The following SENP6 variants were observed in gnomAD, a reference collection of about 807,000 sequenced individuals.
The protein encoded by SENP6 is SUMO specific peptidase 6.
Under a neutral mutation model 134.5 loss-of-function variants are expected in SENP6, and 41 were observed. That is an observed-to-expected ratio of 0.30 (90% confidence interval 0.24 to 0.40). The LOEUF (loss-of-function observed/expected upper bound fraction) is 0.40, where lower values mean the gene tolerates loss of function less well. SENP6 is among the 10% of genes least tolerant of loss of function. The pLI, the probability that SENP6 is intolerant of heterozygous loss-of-function variation, is 1.00. For missense variants in SENP6, 1,248 were observed against 1,312.5 expected (o/e 0.95, Z 0.76); for synonymous variants, 395 against 429.8 (o/e 0.92, Z 1.00).
chr6:75,653,273 C>T (rs1165115282), intron 7 of SENP6, among the ~76,000 whole-genome samples: 1 of 152,130 alleles, frequency 6.6e-6, no homozygotes, highest in Non-Finnish European at 1.5e-5. Context: ...TGAGGTGATC[C>T]CCCCGCCTCG....
At chr6:75,637,932 C>T (rs2149840461) in intron 5 of SENP6, among the ~76,000 whole-genome samples, 1 of 152,306 alleles carries the variant, frequency 6.6e-6, no homozygotes, top group East Asian at 1.9e-4. Flanking sequence ...GTGATCTCCA[C>T]TCACTGCAGC....
chr6:75,604,408 G>A (rs988068882), intron 1 of SENP6, among the ~76,000 whole-genome samples: 1 of 152,154 alleles, frequency 6.6e-6, no homozygotes, highest in Non-Finnish European at 1.5e-5. Context: ...GAGGCAGGCG[G>A]ATCACTTGAG....
At chr6:75,628,907 T>G (rs1040992684) in intron 3 of SENP6, among the ~76,000 whole-genome samples, 2 of 151,988 alleles carry the variant, frequency 1.3e-5, no homozygotes, top group Non-Finnish European at 2.9e-5. Flanking sequence ...TTTAGTAGTT[T>G]TAGTGGTTTT....
Position 75,675,485 on chromosome 6 carries a change from CT to C in SENP6, c.1426+22del. On this transcript the variant is annotated intron_variant, in intron 12 of 23. Transcript: ENST00000447266. ...AGCTAGACGGTAAGCTATTTTATGTCTTTTTACTTACCAAAGCTTTCTTTAC... is the reference window on the plus strand; with the variant it reads ...AGCTAGACGGTAAGCTATTTTATGTCTTTTACTTACCAAAGCTTTCTTTAC... 7.1e-7 allele frequency: 1 copy of C among 1,406,598 alleles called. No individual in the cohort carries two copies. Among genetic ancestry groups the C allele is most frequent in the Non-Finnish European group, 9.8e-7 (1 of 1,023,522 alleles). The allele number at this position is 1,406,598 out of a possible 1,614,324, so 87.1% of individuals were successfully genotyped here.
chr6:75,650,508 A>G (rs1394779063), intron 7 of SENP6, among the ~76,000 whole-genome samples: 4 of 152,052 alleles, frequency 2.6e-5, no homozygotes, highest in African/African-American at 9.7e-5. Flanking sequence ...TTTCTTTTAC[A>G]TTTATTGATT....
chr6:75,624,141 G>T (rs1356166247), intron 3 of SENP6, among the ~76,000 whole-genome samples, 181 bp downstream of exon 3: 2 of 152,076 alleles, frequency 1.3e-5, no homozygotes, highest in Non-Finnish European at 1.5e-5. Flanking sequence ...ATAAAGAAGA[G>T]AAATATTTCC....
rs189017359 is a variant in SENP6 at position 75,633,843 on chromosome 6, C to G, written c.353+117C>G. The G allele has an allele frequency of 4.1e-6, 3 of 737,092 alleles. No homozygotes were observed. The East Asian group carries it at 9.2e-5, about 23-fold the overall frequency. 45.7% of individuals were successfully genotyped at this position (737,092 alleles called of 1,614,324 possible). On this transcript the variant is annotated intron_variant, in intron 4 of 23. Coordinates refer to ENST00000447266, the MANE Select transcript of SENP6 (RefSeq NM_015571.4). Reference sequence around the variant, plus strand: ...TTTCTTCTGAATTTGTCTATAGGGCCAAGAGGTAGCATGGTCCCAGTATGT... The same window carrying G: ...TTTCTTCTGAATTTGTCTATAGGGCGAAGAGGTAGCATGGTCCCAGTATGT...
At chr6:75,619,671 CTTT>C (rs1768116736) in intron 1 of SENP6, among the ~76,000 whole-genome samples, 1 of 152,098 alleles carries the variant, frequency 6.6e-6, no homozygotes, top group Non-Finnish European at 1.5e-5. Context: ...CTATGTTTAA[CTTT>C]TTGAGGAACT....
chr6:75,672,161 CTG>C (rs891794022), intron 11 of SENP6, among the ~76,000 whole-genome samples: 54 of 152,186 alleles, frequency 3.5e-4, no homozygotes, highest in African/African-American at 1.3e-3. Context: ...AAAAATGTCA[CTG>C]TGTGTCACTT....
chr6:75,681,668 C>G (rs1313784624), intron 16 of SENP6, among the ~76,000 whole-genome samples: 1 of 152,056 alleles, frequency 6.6e-6, no homozygotes, highest in Non-Finnish European at 1.5e-5. Flanking sequence ...CGGACTGATA[C>G]AGCATCCATC....
At position 75,675,461 on chromosome 6, in the gene SENP6, G is replaced by A; in HGVS notation, c.1419G>A (p.Gln473=). ...VIFCLDFIKI[Q]LDEPDHDPVE... is the part of the protein sequence containing the mutation. ...TTTGTTTAGATTTTATCAAGATACAGCTAGACGGTAAGCTATTTTATGTCT... is the reference window on the plus strand; with the variant it reads ...TTTGTTTAGATTTTATCAAGATACAACTAGACGGTAAGCTATTTTATGTCT... Residue 473 remains glutamine (Q), a synonymous_variant, in exon 12 of 24, where the codon CAG becomes CAA. Coordinates refer to ENST00000447266, the MANE Select transcript of SENP6 (RefSeq NM_015571.4). The A allele has an allele frequency of 6.9e-7, 1 of 1,453,840 alleles. No homozygotes were observed. Among genetic ancestry groups the A allele is most frequent in the South Asian group, 1.2e-5 (1 of 80,982 alleles). 90.1% of individuals were successfully genotyped at this position (1,453,840 alleles called of 1,614,324 possible).
intron 3 of SENP6, among the ~76,000 whole-genome samples, chr6:75,632,334 T>C (rs935329223): frequency 2.0e-5 from 3 of 152,196 alleles, no homozygotes; most frequent in Non-Finnish European, 4.4e-5. Flanking sequence ...GGGGGACTAC[T>C]ATGTAGTATT....
intron 1 of SENP6, among the ~76,000 whole-genome samples, chr6:75,602,911 C>T (rs1202065359): frequency 1.3e-5 from 2 of 152,188 alleles, no homozygotes; most frequent in Non-Finnish European, 2.9e-5. Context: ...AGCCAGCATT[C>T]ACATCTTGTC....
chr6:75,677,234 A>C lies in SENP6; in HGVS notation c.1826A>C (p.Gln609Pro). Residue 609 changes from glutamine to proline, a missense_variant, in exon 14 of 24, where the codon CAA becomes CCA. Gln to Pro is a moderately conservative substitution (Grantham distance 76). Transcript: ENST00000447266. ...YEESIKGSCG[Q>P]KENKIKTVSF... ...GAGAGCATCAAAGGAAGTTGTGGGC[A>C]AAAGGAAAACAAAATTAAAACTGTA... is the stretch of plus-strand genomic sequence containing the variant. The C allele has an allele frequency of 3.1e-6, 5 of 1,587,648 alleles. No homozygotes were observed. The highest frequency in any genetic ancestry group is 4.3e-6 in the Non-Finnish European group (5 of 1,168,526).
intron 8 of SENP6, among the ~76,000 whole-genome samples, chr6:75,662,118 G>A (rs921298702): frequency 6.6e-6 from 1 of 151,970 alleles, no homozygotes; most frequent in Non-Finnish European, 1.5e-5. Flanking sequence ...ACATCTTTAG[G>A]ATATTTAGTA....
At chr6:75,701,443 T>C (rs1775018584) in intron 18 of SENP6, among the ~76,000 whole-genome samples, 1 of 152,220 alleles carries the variant, frequency 6.6e-6, no homozygotes, top group Non-Finnish European at 1.5e-5. Context: ...TTAGATATGT[T>C]ATTTCTTTTT....
intron 7 of SENP6, among the ~76,000 whole-genome samples, chr6:75,650,569 A>G (rs1582766465): frequency 6.6e-6 from 1 of 152,206 alleles, no homozygotes; most frequent in Non-Finnish European, 1.5e-5. Context: ...TTTATTGATG[A>G]TTATTAATTA....
chr6:75,657,981 G>A (rs190544639), intron 7 of SENP6, among the ~76,000 whole-genome samples: 47 of 152,250 alleles, frequency 3.1e-4, no homozygotes, highest in Non-Finnish European at 5.7e-4. Context: ...TAGAGTATTA[G>A]AATGACAAAG....
In SENP6 at chr6:75,716,112, G is replaced by C; in HGVS notation, c.*518G>C. 6.6e-6 allele frequency: 1 copy of C among 152,054 alleles called. No individual in the cohort carries two copies. Among genetic ancestry groups the C allele is most frequent in the East Asian group, 1.9e-4 (1 of 5,204 alleles). The allele number at this position is 152,054 out of a possible 1,614,324, so 9.4% of individuals were successfully genotyped here. A position where few individuals can be genotyped will look rare whatever the true frequency, so the allele number is the denominator to read the frequency against. On this transcript the variant is annotated 3_prime_UTR_variant, in exon 24 of 24. Transcript: ENST00000447266. ...CTTGTGTAACAGGAACAAAGTAACA[G>C]CCTTTCAATTCATATACTGCCTTGT...
Sources: gnomAD v4.1 joint callset for allele counts (sites outside exome capture counted in the v4.1 genomes callset) on GRCh38, gnomAD v4.1.1 for gene constraint, MANE v1.5 for transcripts, NCBI Gene and HGNC (gene_info 2026-07-23, HGNC 2026-07-21) for gene names.